ITFG1: variants seen among roughly 807,000 people sequenced by gnomAD.
ITFG1 encodes the protein integrin alpha FG-GAP repeat containing 1.
In ITFG1, 34 loss-of-function variants were observed where a neutral mutation model predicts 81.8. That is an observed-to-expected ratio of 0.42 (90% CI 0.32 to 0.55). The LOEUF (loss-of-function observed/expected upper bound fraction) is 0.55. Among genes scored for constraint, ITFG1 ranks in the 20% least tolerant of loss-of-function variants. The pLI is 0.17. For missense variants in ITFG1, 672 were observed against 755.4 expected, an observed-to-expected ratio of 0.89 and a Z score of 1.29; for synonymous variants, 285 against 270.6, an observed-to-expected ratio of 1.05 and a Z score of -0.52.
chr16:47,250,806 T>C (rs939192172), intron 12 of ITFG1, among the ~76,000 whole-genome samples: 137 of 152,226 alleles, frequency 9.0e-4, no homozygotes, highest in African/African-American at 3.1e-3. Flanking sequence ...AGAGAGCTAC[T>C]GGGGCAATGG....
intron 14 of ITFG1, among the ~76,000 whole-genome samples, chr16:47,186,889 A>G (rs549206371): frequency 2.0e-5 from 3 of 152,338 alleles, no homozygotes; most frequent in East Asian, 3.9e-4. Flanking sequence ...AATCTCCTTA[A>G]GCTGATAAGC....
intron 10 of ITFG1, among the ~76,000 whole-genome samples, chr16:47,287,325 T>G (rs1211984671): frequency 3.3e-5 from 5 of 152,180 alleles, no homozygotes; most frequent in African/African-American, 1.2e-4. Flanking sequence ...TAAGTGATTC[T>G]CATGCCCTGG....
chr16:47,370,825 G>A (rs1054521978), intron 7 of ITFG1, among the ~76,000 whole-genome samples: 2 of 152,180 alleles, frequency 1.3e-5, no homozygotes, highest in African/African-American at 4.8e-5. Flanking sequence ...AGTGAAACTT[G>A]AGCAGAGGCC....
chr16:47,442,060 T>G (rs1248913930), intron 5 of ITFG1, among the ~76,000 whole-genome samples: 2 of 152,170 alleles, frequency 1.3e-5, no homozygotes, highest in Non-Finnish European at 2.9e-5. Context: ...AGCCAAATCA[T>G]GAGTGAACTC....
intron 5 of ITFG1, among the ~76,000 whole-genome samples, chr16:47,436,143 A>G (rs958488322): frequency 6.6e-6 from 1 of 152,158 alleles, no homozygotes; most frequent in African/African-American, 2.4e-5. Context: ...ATGATTTTAT[A>G]TGTGGATTCT....
intron 13 of ITFG1, among the ~76,000 whole-genome samples, chr16:47,227,105 C>CAAA (rs1292031408): frequency 2.6e-5 from 4 of 152,160 alleles, no homozygotes; most frequent in African/African-American, 9.7e-5. Flanking sequence ...AATGATACAA[C>CAAA]TGATACCTGG....
chr16:47,257,391 G>T (rs1555506546), intron 12 of ITFG1, among the ~76,000 whole-genome samples: 1 of 152,094 alleles, frequency 6.6e-6, no homozygotes, highest in Non-Finnish European at 1.5e-5. Flanking sequence ...CCATCTTAAA[G>T]AAAATAAAAT....
intron 5 of ITFG1, among the ~76,000 whole-genome samples, chr16:47,429,752 T>A (rs1026814788): frequency 6.6e-6 from 1 of 152,212 alleles, no homozygotes; most frequent in Non-Finnish European, 1.5e-5. Context: ...AAATTATTTT[T>A]CCATTCTTAA....
intron 6 of ITFG1, among the ~76,000 whole-genome samples, chr16:47,422,658 T>C (rs1968966269): frequency 6.6e-6 from 1 of 152,230 alleles, no homozygotes; most frequent in Non-Finnish European, 1.5e-5. Flanking sequence ...AATTATTGCC[T>C]CAATTTCCAA....
At chr16:47,251,302 C>A (rs934212874) in intron 12 of ITFG1, among the ~76,000 whole-genome samples, 2 of 152,204 alleles carry the variant, frequency 1.3e-5, no homozygotes, top group Non-Finnish European at 2.9e-5. Flanking sequence ...GCTCTCCTGT[C>A]TGAGAGCCCT....
chr16:47,402,732 TA>T (rs1426591070), intron 6 of ITFG1, among the ~76,000 whole-genome samples: 1 of 152,240 alleles, frequency 6.6e-6, no homozygotes, highest in Non-Finnish European at 1.5e-5. Flanking sequence ...ATCACGCACA[TA>T]AGGAGGCTAT....
chr16:47,367,070 CCT>C (rs1177374754), intron 7 of ITFG1, among the ~76,000 whole-genome samples: 1 of 152,186 alleles, frequency 6.6e-6, no homozygotes, highest in Non-Finnish European at 1.5e-5. Flanking sequence ...CACACCACCC[CCT>C]CTTTGGATTC....
intron 14 of ITFG1, among the ~76,000 whole-genome samples, chr16:47,173,006 G>A (rs1389382593): frequency 6.6e-6 from 1 of 152,050 alleles, no homozygotes; most frequent in Non-Finnish European, 1.5e-5. Flanking sequence ...ACTGTTCCTT[G>A]GAAAATCTAG....
At chr16:47,283,397 T>C (rs1292760847) in intron 10 of ITFG1, among the ~76,000 whole-genome samples, 1 of 152,226 alleles carries the variant, frequency 6.6e-6, no homozygotes, top group Non-Finnish European at 1.5e-5. Flanking sequence ...GTTGAAGGTA[T>C]GTGGGTTTGC....
rs570973532 is a variant in ITFG1, at chr16:47,311,032, C to T, written c.1070+208G>A. 2.7e-5 allele frequency among the ~76,000 whole-genome samples: 4 copies of T among 147,352 alleles called. No individual in the cohort carries two copies. In the South Asian group the frequency reaches 8.5e-4, roughly 31 times the overall value. The stretch of plus-strand genomic sequence containing the variant: ...AGACTAAATGTTCATTTTTGTTTTA[C>T]AGATAATGAATCTGTGAAAAAAAAA... On this transcript the variant is annotated intron_variant, in intron 10 of 17. Coordinates refer to ENST00000320640, the MANE Select transcript of ITFG1 (RefSeq NM_030790.5).
At chr16:47,461,143 G>A (rs1969538593), upstream of ITFG1, 2 of 1,219,546 alleles carry the variant, frequency 1.6e-6, no homozygotes, top group Admixed American at 2.8e-5. Flanking sequence ...GCAGCCCCGG[G>A]ACGCGTAAGA....
In ITFG1 at chr16:47,325,573, C is replaced by G. The variant is rs570658814; in HGVS notation, c.803-11750G>C. On this transcript the variant is annotated intron_variant, in intron 8 of 17. Coordinates refer to ENST00000320640, the MANE Select transcript of ITFG1 (RefSeq NM_030790.5). ...AAAGATCAACAAAATTGATAGACTGCTAGCAAGACTAATAAAGAAGAAAAG... is the reference window on the plus strand; with the variant it reads ...AAAGATCAACAAAATTGATAGACTGGTAGCAAGACTAATAAAGAAGAAAAG... 4.6e-5 allele frequency among the ~76,000 whole-genome samples: 7 copies of G among 152,104 alleles called. No homozygotes were observed. In the East Asian group the frequency reaches 1.2e-3, roughly 25 times the overall value.
chr16:47,231,112 A>T (rs2151531741), intron 13 of ITFG1, among the ~76,000 whole-genome samples: 1 of 152,358 alleles, frequency 6.6e-6, no homozygotes, highest in South Asian at 2.1e-4. Flanking sequence ...CAAGAAAAAA[A>T]GATACTGTTT....
rs552190869 is a variant in ITFG1, at chr16:47,308,812, G to C, written c.1070+2428C>G. Among the ~76,000 whole-genome samples, 203 of 152,146 alleles carry C rather than the reference G, an allele frequency of 1.3e-3. 1 individual carries two copies. Among genetic ancestry groups the C allele is most frequent in the African/African-American group, 4.6e-3 (192 of 41,516 alleles). ...TTTATTTTTAGCTACTTCTAGGCTT[G>C]GAACTCCGATAAGAGCCCAGTGGAA... is the stretch of plus-strand genomic sequence containing the variant. On this transcript the variant is annotated intron_variant, in intron 10 of 17. Transcript: ENST00000320640.
Sources: allele counts gnomAD v4.1 joint callset (sites outside exome capture counted in the v4.1 genomes callset), GRCh38; gene constraint gnomAD v4.1.1; transcripts MANE v1.5; gene names NCBI Gene and HGNC (gene_info 2026-07-23, HGNC 2026-07-21).